Variants in DCAKD observed in about 807,000 individuals in gnomAD.
DCAKD encodes dephospho-CoA kinase domain containing.
Under a neutral mutation model 18.7 loss-of-function variants are expected in DCAKD, and 15 were observed. The ratio of observed to expected loss-of-function variants is 0.80; its 90% confidence interval spans 0.54 to 1.24. The LOEUF is 1.24. Among genes scored for constraint, DCAKD ranks in the 50% most tolerant of loss-of-function variants. DCAKD has a pLI of 0.00. For missense variants in DCAKD, 301 were observed against 322.0 expected, an observed-to-expected ratio of 0.93 and a Z score of 0.50; for synonymous variants, 130 against 133.0, an observed-to-expected ratio of 0.98 and a Z score of 0.16.
chr17:45,040,342 G>A (rs576841870), intron 1 of DCAKD, among the ~76,000 whole-genome samples: 2 of 145,806 alleles, frequency 1.4e-5, no homozygotes, highest in Admixed American at 1.4e-4. Flanking sequence ...AGCCTAGATT[G>A]TGCCATTGCA....
intron 3 of DCAKD, among the ~76,000 whole-genome samples, chr17:45,033,497 C>T (rs922748589): frequency 6.6e-6 from 1 of 152,174 alleles, no homozygotes; most frequent in Non-Finnish European, 1.5e-5. Context: ...GAGTCTTGCT[C>T]TGTTGCCCAG....
intron 1 of DCAKD, 125 bp from the exon 2 acceptor site, chr17:45,035,124 G>A: frequency 2.0e-6 from 1 of 494,022 alleles, no homozygotes; most frequent in African/African-American, 2.0e-5. Context: ...GGGTGCTCTG[G>A]GGCCATCTGG....
intron 1 of DCAKD, among the ~76,000 whole-genome samples, chr17:45,057,710 A>T (rs2053798636): frequency 6.7e-6 from 1 of 150,318 alleles, no homozygotes; most frequent in South Asian, 2.1e-4. Context: ...CTCAAAAAAA[A>T]AAAAAAAACA....
At chr17:45,026,034 T>C (rs1399551627) in intron 4 of DCAKD, among the ~76,000 whole-genome samples, 2 of 151,980 alleles carry the variant, frequency 1.3e-5, no homozygotes, top group Non-Finnish European at 1.5e-5. Context: ...TCTTCCTGCC[T>C]CAGCCTCCCA....
chr17:45,031,414 C>T (rs899596637), intron 3 of DCAKD: 2 of 962,562 alleles, frequency 2.1e-6, no homozygotes, highest in Non-Finnish European at 2.5e-6. Flanking sequence ...TTTGTGTAAA[C>T]CTCATCTGTG....
intron 1 of DCAKD, among the ~76,000 whole-genome samples, chr17:45,045,332 C>T (rs764426397): frequency 1.6e-4 from 24 of 152,206 alleles, no homozygotes; most frequent in Non-Finnish European, 3.1e-4. Context: ...CACCACCCAA[C>T]ACATTACTTG....
At chr17:45,031,856 T>C in intron 3 of DCAKD, 1 of 985,486 alleles carries the variant, frequency 1.0e-6, no homozygotes, top group Non-Finnish European at 1.2e-6. Flanking sequence ...TATCTGACGT[T>C]TGATTATACC....
At chr17:45,034,046 T>C (rs759172720) in intron 3 of DCAKD, 141 bp downstream of exon 3, 1 of 1,597,478 alleles carries the variant, frequency 6.3e-7, no homozygotes, top group South Asian at 1.1e-5. Flanking sequence ...CGGGGCTCTG[T>C]GTGGAGGGGA....
chr17:45,035,003 C>T lies in DCAKD; in HGVS notation c.-114-4G>A. The T allele has an allele frequency of 1.9e-6, 2 of 1,037,798 alleles. No individual in the cohort carries two copies. The highest frequency in any genetic ancestry group is 2.9e-6 in the Non-Finnish European group (2 of 689,972). 64.3% of individuals were successfully genotyped at this position (1,037,798 alleles called of 1,614,324 possible). A position where few individuals can be genotyped will look rare whatever the true frequency, so the allele number is the denominator to read the frequency against. ...ACCAGAGGAGTGCCAGAAGGACCTG[C>T]TTGGGAGAGGCCAGCGGGACTGATC... On this transcript the variant is annotated splice_region_variant and splice_polypyrimidine_tract_variant and intron_variant, in intron 1 of 4. Transcript: ENST00000651974.
At chr17:45,024,798 C>G (rs771250281) in intron 4 of DCAKD, 74 bp from the exon 5 acceptor site, 1 of 1,476,690 alleles carries the variant, frequency 6.8e-7, no homozygotes, top group Non-Finnish European at 9.0e-7. Context: ...GGCAGCCCTG[C>G]CAGGCCCAGC....
At chr17:45,057,702 C>CAAA (rs778179170) in intron 1 of DCAKD, among the ~76,000 whole-genome samples, 2 of 76,866 alleles carry the variant, frequency 2.6e-5, no homozygotes, top group Non-Finnish European at 2.6e-5. Flanking sequence ...GACTCCATCT[C>CAAA]AAAAAAAAAA....
chr17:45,029,941 G>A (rs181802460), intron 4 of DCAKD, 151 bp downstream of exon 4: 1 of 713,960 alleles, frequency 1.4e-6, no homozygotes, highest in East Asian at 2.6e-5. Context: ...CAGGCACAAA[G>A]GTTGGTTTCT....
At chr17:45,059,488 T>C (rs2053824947) in intron 1 of DCAKD, among the ~76,000 whole-genome samples, 1 of 152,138 alleles carries the variant, frequency 6.6e-6, no homozygotes, top group Non-Finnish European at 1.5e-5. Flanking sequence ...ATGGGAACCA[T>C]GTCTTTGGGC....
At chr17:45,030,581 G>C (rs1232147800) in intron 3 of DCAKD, among the ~76,000 whole-genome samples, 14 of 152,198 alleles carry the variant, frequency 9.2e-5, no homozygotes, top group Non-Finnish European at 1.5e-5. Flanking sequence ...CAGGCACTAA[G>C]GGTTTAGTTC....
rs72255860 is a variant in DCAKD, at chr17:45,030,081, TAC to T, written c.404+9_404+10del. The T allele has an allele frequency of 0.2, 323,952 of 1,609,122 alleles. 34,612 individuals carry two copies. The highest frequency in any genetic ancestry group is 0.32 in the African/African-American group (24,131 of 74,770). Reference sequence around the variant, plus strand: ...GTCCTCCCTTCCAGCCAGGGCATGCTACACACTCACCAGTATACTACCACGGT... The same window carrying T: ...GTCCTCCCTTCCAGCCAGGGCATGCTACACTCACCAGTATACTACCACGGT... On this transcript the variant is annotated intron_variant, in intron 4 of 4. Coordinates refer to ENST00000651974, the MANE Select transcript of DCAKD (RefSeq NM_001288655.2).
intron 4 of DCAKD, among the ~76,000 whole-genome samples, chr17:45,026,373 G>T (rs539237711): frequency 8.5e-4 from 129 of 151,778 alleles, no homozygotes; most frequent in African/African-American, 3.1e-3. Flanking sequence ...GACTATAGGC[G>T]CCCGCCACCA....
intron 1 of DCAKD, among the ~76,000 whole-genome samples, chr17:45,038,788 G>A (rs949214830): frequency 6.6e-6 from 1 of 152,050 alleles, no homozygotes; most frequent in Non-Finnish European, 1.5e-5. Context: ...AAGGCCAAGC[G>A]GACAAAGGAG....
rs781623276 is a variant in DCAKD at position 45,024,328 on chromosome 17, TGTGTGTGTGTGG to T, written c.*93_*104del. On this transcript the variant is annotated 3_prime_UTR_variant, in exon 5 of 5. Coordinates refer to ENST00000651974, the MANE Select transcript of DCAKD (RefSeq NM_001288655.2). ...GTGTGTGTGTGTGTGTGTGTGTGTG[TGTGTGTGTGTGG>T]GGAGGGGGCTGAGAGGAAACAGGAT... 0.33 allele frequency: 116,149 copies of T among 355,456 alleles called. 9,414 individuals carry two copies. The highest frequency in any genetic ancestry group is 0.38 in the Middle Eastern group (436 of 1,154). The allele number at this position is 355,456 out of a possible 1,614,324, so 22.0% of individuals were successfully genotyped here.
chr17:45,026,144 C>A (rs527306625), intron 4 of DCAKD, among the ~76,000 whole-genome samples: 57 of 152,094 alleles, frequency 3.7e-4, no homozygotes, highest in Admixed American at 6.5e-4. Flanking sequence ...GTCTTGAACT[C>A]CTGACCTCAG....
Sources: gnomAD v4.1 joint callset for allele counts (sites outside exome capture counted in the v4.1 genomes callset) on GRCh38, gnomAD v4.1.1 for gene constraint, MANE v1.5 for transcripts, NCBI Gene and HGNC (gene_info 2026-07-23, HGNC 2026-07-21) for gene names.